The following HIPK2 variants were observed in gnomAD, a reference collection of about 807,000 sequenced individuals.
HIPK2 encodes the protein homeodomain-interacting protein kinase 2.
HIPK2 carries 27 observed loss-of-function variants against 113.7 expected under a neutral mutation model. The observed-to-expected ratio is 0.24, with a 90% CI of 0.17 to 0.33. The LOEUF (loss-of-function observed/expected upper bound fraction) is 0.33. Ranked by LOEUF, HIPK2 falls within the 10% of genes least tolerant of loss-of-function variation. The probability of loss-of-function intolerance (pLI) is 1.00; values close to 1 mark genes in which losing one functional copy is unlikely to be tolerated. For synonymous variants in HIPK2, 631 were observed against 642.2 expected, an observed-to-expected ratio of 0.98 and a Z score of 0.26; for missense variants, 1,257 against 1,588.0, an observed-to-expected ratio of 0.79 and a Z score of 3.54.
rs528825468 is a variant in HIPK2 at position 139,596,979 on chromosome 7, C to T, written c.2455G>A (p.Val819Met). 7.5e-6 allele frequency: 12 copies of T among 1,597,578 alleles called. No homozygotes were observed. In the African/African-American group the frequency reaches 1.5e-4, roughly 20 times the overall value. Residue 819 changes from valine (V) to methionine (M), a missense_variant, in exon 12 of 15, where the codon GTG (valine) becomes ATG (methionine). Around this residue, in one of 5 missense-constraint regions of HIPK2, gnomAD observed 862 missense variants for 1,004.3 expected, o/e 0.86. Coordinates refer to ENST00000406875, the MANE Select transcript of HIPK2 (RefSeq NM_022740.5). The stretch of plus-strand genomic sequence containing the variant: ...GAGCTGATGGCCTGAGAGGAGGACA[C>T]CTCACAGGTGGAGACATTTCTGTAA... ...SSVRNVSTCE[V>M]SSSQAISSPQ...
intron 1 of HIPK2, among the ~76,000 whole-genome samples, chr7:139,745,204 C>T (rs897502634): frequency 5.3e-5 from 8 of 152,208 alleles, no homozygotes; most frequent in East Asian, 3.9e-4. Flanking sequence ...GAAGATCACT[C>T]GGGCCAGTTA....
At chr7:139,581,638 G>A (rs1334945044) in intron 13 of HIPK2, among the ~76,000 whole-genome samples, 10 of 152,208 alleles carry the variant, frequency 6.6e-5, no homozygotes, top group Non-Finnish European at 1.5e-4. Flanking sequence ...TGCTGTAGCT[G>A]GGGGAGCTGT....
chr7:139,606,788 T>G (rs1302883453), intron 9 of HIPK2, among the ~76,000 whole-genome samples: 2 of 152,186 alleles, frequency 1.3e-5, no homozygotes, highest in African/African-American at 2.4e-5. Context: ...GAAGCCCACA[T>G]TCAATAGTCT....
Position 139,570,137 on chromosome 7 carries a change from T to C in HIPK2, c.*2790A>G, listed in dbSNP as rs545336403. The stretch of plus-strand genomic sequence containing the variant: ...TGGAAATGAACTGTGCCCAGGAATC[T>C]GGGGGTGCTCTCCAGTAAGGCGAAC... On this transcript the variant is annotated 3_prime_UTR_variant, in exon 15 of 15. Transcript: ENST00000406875. 25 of 152,248 alleles carry C rather than the reference T, an allele frequency of 1.6e-4. No homozygotes were observed. Among genetic ancestry groups the C allele is most frequent in the Admixed American group, 1.6e-3 (25 of 15,300 alleles). 9.4% of individuals were successfully genotyped at this position (152,248 alleles called of 1,614,324 possible).
At chr7:139,576,560 A>G (rs1341198893) in intron 13 of HIPK2, among the ~76,000 whole-genome samples, 5 of 152,312 alleles carry the variant, frequency 3.3e-5, no homozygotes, top group African/African-American at 1.2e-4. Flanking sequence ...TTCAGAGCCC[A>G]GTGGTTTTAA....
intron 2 of HIPK2, among the ~76,000 whole-genome samples, chr7:139,634,674 G>GTTTTTTTTTTTTTTTTTTTT (rs1181829827): frequency 7.0e-5 from 8 of 113,630 alleles, no homozygotes; most frequent in African/African-American, 2.4e-4. Context: ...TCTGTTTCAG[G>GTTTTTTTTTTTTTTTTTTTT]TTTTTTTTTT....
At chr7:139,665,128 C>A (rs1253399359) in intron 2 of HIPK2, among the ~76,000 whole-genome samples, 2 of 151,980 alleles carry the variant, frequency 1.3e-5, no homozygotes, top group Non-Finnish European at 2.9e-5. Context: ...GCCTAGACCT[C>A]CTGCGCTTAG....
At chr7:139,763,022 A>T (rs892886602) in intron 1 of HIPK2, among the ~76,000 whole-genome samples, 2 of 152,194 alleles carry the variant, frequency 1.3e-5, no homozygotes, top group African/African-American at 4.8e-5. Context: ...GCATGAATTA[A>T]CCAGGCTGCC....
intron 2 of HIPK2, among the ~76,000 whole-genome samples, chr7:139,651,653 C>A (rs1228570349): frequency 1.3e-5 from 2 of 152,218 alleles, no homozygotes; most frequent in Non-Finnish European, 2.9e-5. Context: ...CATGAAATCA[C>A]TGCTTTTAGC....
At chr7:139,773,542 C>A (rs1159526223) in intron 1 of HIPK2, among the ~76,000 whole-genome samples, 3 of 152,200 alleles carry the variant, frequency 2.0e-5, no homozygotes, top group Non-Finnish European at 4.4e-5. Context: ...ACATATCACA[C>A]CCTCTTGATC....
In HIPK2 at chr7:139,746,197, G is replaced by A. The variant is rs376426780; in HGVS notation, c.20-29182C>T. ...TTCAAATAAAAAAACCTGTGACCTG[G>A]AACTTGTTCCAGTCAGCCCAAGTGA... On this transcript the variant is annotated intron_variant, in intron 1 of 14. Coordinates refer to ENST00000406875, the MANE Select transcript of HIPK2 (RefSeq NM_022740.5). Among the ~76,000 whole-genome samples, 6 of 152,262 alleles carry A rather than the reference G, an allele frequency of 3.9e-5. No homozygotes were observed. In the East Asian group the frequency reaches 7.7e-4, roughly 20 times the overall value.
chr7:139,714,959 G>C lies in HIPK2; in HGVS notation c.1103+973C>G, dbSNP rs552041664. Among the ~76,000 whole-genome samples the C allele has an allele frequency of 9.9e-5, 15 of 152,176 alleles. No individual in the cohort carries two copies. The highest frequency in any genetic ancestry group is 2.2e-4 in the Non-Finnish European group (15 of 68,034). On this transcript the variant is annotated intron_variant, in intron 2 of 14. Transcript: ENST00000406875. The surrounding 1 kb of genome is among the most constrained non-coding windows in gnomAD (Gnocchi z 4.2). ...TGAGAGGATTTCTCCCACTTCATGG[G>C]TTAGGAAATGAAGGCATGGAGAAAT...
At chr7:139,674,566 C>T (rs896212435) in intron 2 of HIPK2, among the ~76,000 whole-genome samples, 18 of 151,986 alleles carry the variant, frequency 1.2e-4, no homozygotes, top group Admixed American at 1.2e-3. Flanking sequence ...GTGGGAAAGG[C>T]GAGAACAGAT....
chr7:139,597,669 G>C (rs1799271972), intron 11 of HIPK2, among the ~76,000 whole-genome samples: 1 of 152,106 alleles, frequency 6.6e-6, no homozygotes, highest in Non-Finnish European at 1.5e-5. Flanking sequence ...CCTCATGGGA[G>C]GCGCATTAGT....
intron 2 of HIPK2, among the ~76,000 whole-genome samples, chr7:139,670,881 C>T (rs1802261555): frequency 6.6e-6 from 1 of 151,014 alleles, no homozygotes; most frequent in African/African-American, 2.4e-5. Context: ...CTGCCTCAGC[C>T]ACCCTAGTGG....
At chr7:139,705,567 C>T (rs1325850272) in intron 2 of HIPK2, among the ~76,000 whole-genome samples, 5 of 152,076 alleles carry the variant, frequency 3.3e-5, no homozygotes, top group Admixed American at 6.5e-5. Flanking sequence ...TTAGTAGAGA[C>T]GGTGTTTCAC....
intron 1 of HIPK2, among the ~76,000 whole-genome samples, chr7:139,737,330 A>C (rs1795966326): frequency 6.6e-6 from 1 of 152,114 alleles, no homozygotes; most frequent in African/African-American, 2.4e-5. Flanking sequence ...CAGCTTTTAC[A>C]CCCACAAAAT....
At chr7:139,607,677 T>C (rs1170372180) in intron 9 of HIPK2, among the ~76,000 whole-genome samples, 1 of 152,116 alleles carries the variant, frequency 6.6e-6, no homozygotes, top group Non-Finnish European at 1.5e-5. Flanking sequence ...TAATATTATA[T>C]AATATTGATA....
intron 13 of HIPK2, 193 bp downstream of exon 13, chr7:139,583,624 C>T (rs1249240069): frequency 1.9e-5 from 14 of 719,692 alleles, no homozygotes; most frequent in Non-Finnish European, 2.9e-5. Context: ...AGAAGGAAAA[C>T]GCTGCTTATA....
Sources: gnomAD v4.1 joint callset for allele counts (sites outside exome capture counted in the v4.1 genomes callset) on GRCh38, gnomAD v4.1.1 for gene constraint, gnomAD v4.1.1 regional missense constraint, Gnocchi (gnomAD v3.1) non-coding constraint, MANE v1.5 for transcripts, NCBI Gene and HGNC (gene_info 2026-07-23, HGNC 2026-07-21) for gene names.